ARK2C: variants seen among roughly 807,000 people sequenced by gnomAD.
ARK2C encodes E3 ubiquitin-protein ligase ARK2C.
the ARK2C span, among the ~76,000 whole-genome samples, chr18:46,407,780 A>G: frequency 3.3e-5 from 5 of 152,210 alleles, no homozygotes; most frequent in Non-Finnish European, 7.3e-5. Flanking sequence ...TGTTTAGAGA[A>G]CTTACATTAT....
chr18:46,399,058 GA>G, the ARK2C span, among the ~76,000 whole-genome samples: 1 of 152,176 alleles, frequency 6.6e-6, no homozygotes, highest in African/African-American at 2.4e-5. Context: ...GGTCCCAGGA[GA>G]TCAGGAGAAA....
the ARK2C span, among the ~76,000 whole-genome samples, chr18:46,338,625 T>TC: frequency 2.6e-5 from 4 of 152,122 alleles, no homozygotes; most frequent in African/African-American, 9.6e-5. Flanking sequence ...CTTTTTTTTT[T>TC]CCATAATTAC....
chr18:46,448,559 C>G, the ARK2C span, among the ~76,000 whole-genome samples: 1 of 152,170 alleles, frequency 6.6e-6, no homozygotes, highest in Non-Finnish European at 1.5e-5. Context: ...CCTCCCTAGG[C>G]TTTGGTTTCA....
At chr18:46,410,983 G>T in the ARK2C span, among the ~76,000 whole-genome samples, 1 of 152,216 alleles carries the variant, frequency 6.6e-6, no homozygotes, top group Non-Finnish European at 1.5e-5. Context: ...GATGCCCAAG[G>T]CTCTGTCTCC....
chr18:46,422,904 A>C, the ARK2C span, among the ~76,000 whole-genome samples: 1 of 152,206 alleles, frequency 6.6e-6, no homozygotes, highest in Non-Finnish European at 1.5e-5. Context: ...GCCTACTGGA[A>C]AGACCTTTAG....
chr18:46,429,845 G>T, the ARK2C span, among the ~76,000 whole-genome samples: 2 of 152,018 alleles, frequency 1.3e-5, no homozygotes, highest in African/African-American at 4.8e-5. Context: ...GACCTCAAGT[G>T]GTCCTCTTGC....
the ARK2C span, among the ~76,000 whole-genome samples, chr18:46,346,887 G>A: frequency 3.0e-4 from 45 of 152,336 alleles, no homozygotes; most frequent in South Asian, 2.1e-3. Flanking sequence ...GCTTAATTGT[G>A]TAAGCAGTTA....
the ARK2C span, among the ~76,000 whole-genome samples, chr18:46,343,607 C>A: frequency 6.6e-6 from 1 of 152,190 alleles, no homozygotes; most frequent in Non-Finnish European, 1.5e-5. Context: ...CTTGGCCAAG[C>A]CTGAGTACTC....
At chr18:46,388,074 C>A in the ARK2C span, among the ~76,000 whole-genome samples, 1 of 152,176 alleles carries the variant, frequency 6.6e-6, no homozygotes, top group South Asian at 2.1e-4. Flanking sequence ...ATTTGACACA[C>A]AAAGAGTATA....
the ARK2C span, among the ~76,000 whole-genome samples, chr18:46,343,511 A>G: frequency 2.0e-5 from 3 of 152,196 alleles, no homozygotes; most frequent in East Asian, 5.8e-4. Context: ...CATTCTTCAT[A>G]GTGGTGGCAC....
chr18:46,383,802 T>G, the ARK2C span, among the ~76,000 whole-genome samples: 10 of 151,792 alleles, frequency 6.6e-5, no homozygotes, highest in East Asian at 1.9e-4. Context: ...CCGCCCACCT[T>G]GGCCTCCCAA....
chr18:46,424,311 G>A, the ARK2C span, among the ~76,000 whole-genome samples: 1 of 152,214 alleles, frequency 6.6e-6, no homozygotes, highest in Non-Finnish European at 1.5e-5. Flanking sequence ...CTGGGGGTCT[G>A]GGAGAGATGA....
chr18:46,401,283 C>T, the ARK2C span, among the ~76,000 whole-genome samples: 8 of 152,292 alleles, frequency 5.3e-5, no homozygotes, highest in African/African-American at 1.7e-4. Flanking sequence ...ATGGCCACAC[C>T]AAATTCCAGC....
the ARK2C span, among the ~76,000 whole-genome samples, chr18:46,420,587 G>A: frequency 6.6e-6 from 1 of 152,098 alleles, no homozygotes; most frequent in East Asian, 1.9e-4. Flanking sequence ...GCTCACGCCT[G>A]TAATCTCAGC....
the ARK2C span, among the ~76,000 whole-genome samples, chr18:46,383,753 A>G: frequency 1.1e-4 from 16 of 151,226 alleles, no homozygotes; most frequent in Admixed American, 7.2e-4. Context: ...ACGGGGTTTC[A>G]CCGTGTTGGC....
At chr18:46,391,832 C>T in the ARK2C span, among the ~76,000 whole-genome samples, 6 of 151,670 alleles carry the variant, frequency 4.0e-5, no homozygotes, top group African/African-American at 9.7e-5. Context: ...AACACATGTA[C>T]AGACCACATA....
At chr18:46,348,902 GTGT>G in the ARK2C span, among the ~76,000 whole-genome samples, 2 of 814 alleles carry the variant, frequency 2.5e-3, no homozygotes, top group Non-Finnish European at 0.029. Flanking sequence ...CTCTCTTTCT[GTGT>G]GTGTGTGTGT....
At chr18:46,369,451 C>T in the ARK2C span, among the ~76,000 whole-genome samples, 2 of 152,098 alleles carry the variant, frequency 1.3e-5, no homozygotes, top group African/African-American at 2.4e-5. Flanking sequence ...AGAGGTGAGA[C>T]AGGCCAGCTT....
chr18:46,409,288 G>A, the ARK2C span, among the ~76,000 whole-genome samples: 1 of 152,302 alleles, frequency 6.6e-6, no homozygotes, highest in Admixed American at 6.5e-5. Context: ...CACTGTCCTG[G>A]GAGCAGCCAT....
Sources: allele counts gnomAD v4.1 joint callset (sites outside exome capture counted in the v4.1 genomes callset), GRCh38; gene constraint gnomAD v4.1.1; transcripts MANE v1.5; gene names NCBI Gene and HGNC (gene_info 2026-07-23, HGNC 2026-07-21).